Variants in CAPRIN2 observed in about 807,000 individuals in gnomAD.
The protein encoded by CAPRIN2 is caprin-2.
CAPRIN2 carries 66 observed loss-of-function variants against 130.4 expected under a neutral mutation model. The observed-to-expected ratio is 0.51, with a 90% CI of 0.42 to 0.62. The LOEUF (loss-of-function observed/expected upper bound fraction) is 0.62, where lower values mean the gene tolerates loss of function less well. CAPRIN2 is among the 20% of genes least tolerant of loss of function. CAPRIN2 has a pLI of 0.00. For missense variants in CAPRIN2, 1,185 were observed against 1,246.6 expected, an observed-to-expected ratio of 0.95 and a Z score of 0.74; for synonymous variants, 471 against 444.1, an observed-to-expected ratio of 1.06 and a Z score of -0.76.
intron 2 of CAPRIN2, among the ~76,000 whole-genome samples, chr12:30,742,228 A>G (rs878948780): frequency 6.6e-6 from 1 of 152,192 alleles, no homozygotes; most frequent in African/African-American, 2.4e-5. Flanking sequence ...CTTTGTGTTA[A>G]GTATATTATA....
chr12:30,724,192 A>G (rs1293279145), intron 10 of CAPRIN2, among the ~76,000 whole-genome samples, 178 bp downstream of exon 11: 1 of 152,260 alleles, frequency 6.6e-6, no homozygotes, highest in Non-Finnish European at 1.5e-5. Context: ...TCAGTTAAGT[A>G]CACTAATGTC....
At chr12:30,717,578 C>T (rs1424669652) in intron 12 of CAPRIN2, among the ~76,000 whole-genome samples, 1 of 151,494 alleles carries the variant, frequency 6.6e-6, no homozygotes, top group East Asian at 1.9e-4. Flanking sequence ...AATTCTGTTA[C>T]ATACATTTTA....
chr12:30,750,589 G>A (rs1025270534), intron 2 of CAPRIN2, among the ~76,000 whole-genome samples: 11 of 151,686 alleles, frequency 7.3e-5, no homozygotes, highest in African/African-American at 2.7e-4. Flanking sequence ...TCCTGAGAGG[G>A]CACACGAAAA....
At chr12:30,716,460 A>G (rs2057595843) in intron 13 of CAPRIN2, 48 bp downstream of exon 15, 3 of 1,546,826 alleles carry the variant, frequency 1.9e-6, no homozygotes, top group African/African-American at 1.4e-5. Context: ...TGTCCATTCA[A>G]TTGGCTGTCC....
rs768421517 is a variant in CAPRIN2, at chr12:30,731,523, G to C, written c.893-13C>G. 7 of 1,601,388 alleles carry C rather than the reference G, an allele frequency of 4.4e-6. No individual in the cohort carries two copies. In the African/African-American group the frequency reaches 9.4e-5, roughly 22 times the overall value. On this transcript the variant is annotated splice_polypyrimidine_tract_variant and intron_variant, in intron 5 of 16. Transcript: ENST00000298892. ...TTCAAGTGTTTGTCTAAGAAAGAGT[G>C]ATTAAGACTTAATTGTCACATGACC...
At chr12:30,718,753 G>A (rs765706958) in intron 12 of CAPRIN2, among the ~76,000 whole-genome samples, 7 of 152,204 alleles carry the variant, frequency 4.6e-5, no homozygotes, top group Admixed American at 1.3e-4. Context: ...ATTAGTAATG[G>A]TTAGTATTAT....
chr12:30,715,129 G>A, exon 14 of CAPRIN2: 4 of 1,613,718 alleles, frequency 2.5e-6, no homozygotes, highest in East Asian at 2.2e-5. Flanking sequence ...AGTTCCATCA[G>A]GATGATAATT....
exon 8 of CAPRIN2, chr12:30,728,866 C>T (rs377711738): frequency 3.6e-5 from 58 of 1,613,942 alleles, no homozygotes; most frequent in Non-Finnish European, 4.3e-5. Flanking sequence ...GTGTTCTGTT[C>T]GCTCTGCATG....
intron 15 of CAPRIN2, 116 bp downstream of exon 17, chr12:30,713,669 T>C (rs1266418831): frequency 5.0e-6 from 3 of 598,090 alleles, no homozygotes; most frequent in Non-Finnish European, 6.0e-6. Context: ...ACAAGTAGTT[T>C]TAAAACTAAG....
intron 15 of CAPRIN2, among the ~76,000 whole-genome samples, chr12:30,712,250 G>A (rs2055149267): frequency 6.6e-6 from 1 of 152,030 alleles, no homozygotes; most frequent in African/African-American, 2.4e-5. Context: ...ATTATTATAT[G>A]CAATAAAAAT....
chr12:30,740,737 AATG>A (rs1169418791), intron 3 of CAPRIN2, among the ~76,000 whole-genome samples: 1 of 152,216 alleles, frequency 6.6e-6, no homozygotes, highest in Admixed American at 6.5e-5. Context: ...TCCCTGTGTC[AATG>A]ATTTCTATAA....
At chr12:30,752,809 T>C (rs2074634873) in intron 1 of CAPRIN2, among the ~76,000 whole-genome samples, 1 of 152,210 alleles carries the variant, frequency 6.6e-6, no homozygotes, top group Admixed American at 6.5e-5. Flanking sequence ...GATTTAGATC[T>C]TTACAACAGC....
At chr12:30,750,755 C>T (rs1313357670) in intron 2 of CAPRIN2, among the ~76,000 whole-genome samples, 4 of 152,092 alleles carry the variant, frequency 2.6e-5, no homozygotes, top group African/African-American at 9.7e-5. Flanking sequence ...GTAGAGTATG[C>T]CTTCTCTTCT....
intron 11 of CAPRIN2, 117 bp downstream of exon 12, chr12:30,723,142 A>G: frequency 1.4e-6 from 1 of 727,208 alleles, no homozygotes. Flanking sequence ...AGATATGCTT[A>G]GAACACTTTT....
chr12:30,754,564 G>C (rs2075418949), upstream of CAPRIN2: 1 of 152,186 alleles, frequency 6.6e-6, no homozygotes, highest in Non-Finnish European at 1.5e-5. Flanking sequence ...GCTTCTGCAA[G>C]GCCCCGGGGG....
At chr12:30,730,532 C>T (rs1485206913) in intron 6 of CAPRIN2, among the ~76,000 whole-genome samples, 1 of 152,172 alleles carries the variant, frequency 6.6e-6, no homozygotes, top group African/African-American at 2.4e-5. Flanking sequence ...CAGTTTAAAA[C>T]TGATATCTGA....
intron 2 of CAPRIN2, among the ~76,000 whole-genome samples, chr12:30,744,858 A>C (rs763722660): frequency 6.6e-6 from 1 of 152,222 alleles, no homozygotes; most frequent in Admixed American, 6.5e-5. Context: ...TGAATGAATA[A>C]AAGATAGTTC....
At chr12:30,739,586 G>A (rs568254057) in intron 3 of CAPRIN2, among the ~76,000 whole-genome samples, 5 of 152,006 alleles carry the variant, frequency 3.3e-5, no homozygotes, top group East Asian at 1.9e-4. Flanking sequence ...AGAATAAGTC[G>A]CGCATGTAAT....
chr12:30,740,996 G>A (rs371922144), intron 3 of CAPRIN2, 24 bp downstream of exon 4: 286 of 1,504,542 alleles, frequency 1.9e-4, no homozygotes, highest in Non-Finnish European at 2.5e-4. Context: ...CTGGTTTCAG[G>A]AAAAGCAAAG....
Sources: allele counts gnomAD v4.1 joint callset (sites outside exome capture counted in the v4.1 genomes callset), GRCh38; gene constraint gnomAD v4.1.1; transcripts MANE v1.5; gene names NCBI Gene and HGNC (gene_info 2026-07-23, HGNC 2026-07-21).